SLC6A20: variants seen among roughly 807,000 people sequenced by gnomAD.
SLC6A20 encodes sodium- and chloride-dependent transporter XTRP3.
A neutral mutation model predicts 64.3 loss-of-function variants in SLC6A20; 73 were observed. The observed-to-expected ratio is 1.14, with a 90% CI of 0.94 to 1.38. The LOEUF is 1.38. SLC6A20 is among the 40% of genes most tolerant of loss of function. SLC6A20 has a pLI of 0.00. For missense variants in SLC6A20, 725 were observed against 772.8 expected, an observed-to-expected ratio of 0.94 and a Z score of 0.73; for synonymous variants, 347 against 329.6, an observed-to-expected ratio of 1.05 and a Z score of -0.57.
chr3:45,789,383 A>C (rs1700213072), intron 1 of SLC6A20, among the ~76,000 whole-genome samples: 1 of 152,218 alleles, frequency 6.6e-6, no homozygotes, highest in Non-Finnish European at 1.5e-5. Flanking sequence ...AATAACAGCA[A>C]ACATAACCTG....
At chr3:45,779,786 C>T (rs913853628) in intron 3 of SLC6A20, among the ~76,000 whole-genome samples, 18 of 152,230 alleles carry the variant, frequency 1.2e-4, no homozygotes, top group African/African-American at 4.8e-5. Flanking sequence ...ACACTCTCAC[C>T]GGTGGACTCT....
rs563013302 is a variant in SLC6A20 at position 45,764,568 on chromosome 3, G to T, written c.1303+969C>A. 8.5e-5 allele frequency among the ~76,000 whole-genome samples: 13 copies of T among 152,184 alleles called. No homozygotes were observed. In the South Asian group the frequency reaches 2.7e-3, roughly 32 times the overall value. On this transcript the variant is annotated intron_variant, in intron 8 of 10. Transcript: ENST00000358525. ...AATACAAAAATTAGCCAGGCATCATGGTGTGCACCTATAATCCCAGCTACT... is the reference window on the plus strand; with the variant it reads ...AATACAAAAATTAGCCAGGCATCATTGTGTGCACCTATAATCCCAGCTACT...
intron 7 of SLC6A20, among the ~76,000 whole-genome samples, chr3:45,767,298 G>A (rs1419134370): frequency 1.3e-5 from 2 of 152,082 alleles, no homozygotes; most frequent in South Asian, 2.1e-4. Context: ...CGTATGAAAT[G>A]TTTAAAGAAA....
chr3:45,772,382 C>T, intron 5 of SLC6A20, 123 bp downstream of exon 5: 1 of 809,134 alleles, frequency 1.2e-6, no homozygotes, highest in Non-Finnish European at 1.9e-6. Context: ...CCCTGGTGGG[C>T]TCACATCAGC....
intron 5 of SLC6A20, chr3:45,771,844 G>C (rs1309279546): frequency 4.1e-6 from 1 of 243,134 alleles, no homozygotes; most frequent in Non-Finnish European, 8.0e-6. Flanking sequence ...CACAAATGGG[G>C]CCCTGATTCA....
At chr3:45,773,265 A>C (rs1397002179) in intron 4 of SLC6A20, among the ~76,000 whole-genome samples, 1 of 152,210 alleles carries the variant, frequency 6.6e-6, no homozygotes, top group Non-Finnish European at 1.5e-5. Context: ...CATAATAAAC[A>C]CAATAGGAAA....
Position 45,755,741 on chromosome 3 carries a change from T to TA in SLC6A20, c.*3236dup, listed in dbSNP as rs1699528821. On this transcript the variant is annotated 3_prime_UTR_variant, in exon 11 of 11. Coordinates refer to ENST00000358525, the MANE Select transcript of SLC6A20 (RefSeq NM_020208.4). ...GAACATTTTTTGAGACAGGATTGAT[T>TA]ACTGGCTCAAGAGGATTCTTGAGAA... The TA allele has an allele frequency of 6.6e-6, 1 of 152,640 alleles. No individual in the cohort carries two copies. Among genetic ancestry groups the TA allele is most frequent in the Non-Finnish European group, 1.5e-5 (1 of 68,042 alleles). The allele number at this position is 152,640 out of a possible 1,614,324, so 9.5% of individuals were successfully genotyped here.
intron 1 of SLC6A20, among the ~76,000 whole-genome samples, chr3:45,795,330 AAT>A (rs755403771): frequency 8.3e-4 from 45 of 54,122 alleles, no homozygotes; most frequent in Non-Finnish European, 1.4e-3. Flanking sequence ...GAGAAAATAC[AAT>A]TTTTTTTTTG....
In SLC6A20 at chr3:45,758,804, G is replaced by A; in HGVS notation, c.*174C>T. ...ACAGGGAGGAACAGCCACCACGGGAGGGTGTGCGTTCTCCCAAGGGAGTTT... is the reference window on the plus strand; with the variant it reads ...ACAGGGAGGAACAGCCACCACGGGAAGGTGTGCGTTCTCCCAAGGGAGTTT... On this transcript the variant is annotated 3_prime_UTR_variant, in exon 11 of 11. Transcript: ENST00000358525. 1 of 1,353,808 alleles carries A rather than the reference G, an allele frequency of 7.4e-7. No homozygotes were observed. The allele number at this position is 1,353,808 out of a possible 1,614,324, so 83.9% of individuals were successfully genotyped here.
chr3:45,759,002 C>T lies in SLC6A20; in HGVS notation c.1755G>A (p.Arg585=). Residue 585 remains arginine, a synonymous_variant, in exon 11 of 11, where the codon AGG becomes AGA. Transcript: ENST00000358525. Reference sequence around the variant, plus strand: ...CTCAGGCCACGGGGTCTGCGTCTCCCCTCTTGAGGCGACGCTGAACAAAAG... The same window carrying T: ...CTCAGGCCACGGGGTCTGCGTCTCCTCTCTTGAGGCGACGCTGAACAAAAG... The part of the protein sequence containing the change: ...LGTFVQRRLK[R]GDADPVA 1.9e-6 allele frequency: 3 copies of T among 1,611,210 alleles called. No homozygotes were observed. Among genetic ancestry groups the T allele is most frequent in the Non-Finnish European group, 2.5e-6 (3 of 1,178,682 alleles).
In SLC6A20 at chr3:45,780,053, CGTT is replaced by C; in HGVS notation, c.307_309del (p.Asn103del). 6.2e-7 allele frequency: 1 copy of C among 1,605,110 alleles called. No individual in the cohort carries two copies. Among genetic ancestry groups the C allele is most frequent in the East Asian group, 2.2e-5 (1 of 44,578 alleles). On this transcript the variant is annotated inframe_deletion, in exon 3 of 11. Transcript: ENST00000358525. The stretch of plus-strand genomic sequence containing the variant: ...TACCAGAAGGCCCAGGCGTTGATGA[CGTT>C]GTAGTACATGGAGAGGAAGAAAGAG...
rs1487362689 is a variant in SLC6A20, at chr3:45,775,935, A to T, written c.408T>A (p.Asp136Glu). 6 of 1,614,096 alleles carry T rather than the reference A, an allele frequency of 3.7e-6. No individual in the cohort carries two copies. The highest frequency in any genetic ancestry group is 5.1e-6 in the Non-Finnish European group (6 of 1,180,052). ...CPLNGNHTGY[D>E]EECEKASSTQ... ...TGGAGGACGCCTTCTCACACTCCTC[A>T]TCGTAGCCCGTGTGGTTACCATTCA... The change falls in exon 4 of 11, where the codon GAT (aspartate) becomes GAA (glutamate). Residue 136 changes from aspartate to glutamate, a missense_variant. Asp to Glu is a conservative substitution (Grantham distance 45). Transcript: ENST00000358525.
At chr3:45,772,756 TG>T in intron 4 of SLC6A20, 141 bp from the exon 5 acceptor site, 3 of 701,508 alleles carry the variant, frequency 4.3e-6, no homozygotes, top group Non-Finnish European at 7.2e-6. Context: ...TGGAGATTCT[TG>T]GTCACACACA....
In SLC6A20 at chr3:45,776,800, G is replaced by A. The variant is rs370089100; in HGVS notation, c.355-812C>T. ...ACTTAGGACTTGCTACAGCAAGGGC[G>A]ATAGCAGCATCGCTTGCATTTGGCG... On this transcript the variant is annotated intron_variant, in intron 3 of 10. Coordinates refer to ENST00000358525, the MANE Select transcript of SLC6A20 (RefSeq NM_020208.4). Among the ~76,000 whole-genome samples the A allele has an allele frequency of 5.3e-5, 8 of 152,370 alleles. No homozygotes were observed. In the East Asian group the frequency reaches 9.6e-4, roughly 18 times the overall value.
At chr3:45,767,465 T>C (rs1205523979) in intron 7 of SLC6A20, among the ~76,000 whole-genome samples, 1 of 151,610 alleles carries the variant, frequency 6.6e-6, no homozygotes, top group Non-Finnish European at 1.5e-5. Flanking sequence ...GAAAAGAGAG[T>C]TAGTGAACTG....
chr3:45,772,221 G>T, intron 5 of SLC6A20: 1 of 366,576 alleles, frequency 2.7e-6, no homozygotes, highest in Non-Finnish European at 5.0e-6. Context: ...CTTGAGGTGA[G>T]GCAGTGGCAG....
intron 4 of SLC6A20, among the ~76,000 whole-genome samples, chr3:45,774,329 T>C (rs558697385): frequency 6.6e-6 from 1 of 152,378 alleles, no homozygotes; most frequent in Admixed American, 6.5e-5. Context: ...TGGTCTCTAA[T>C]CTCTACCTCT....
At position 45,758,866 on chromosome 3, in the gene SLC6A20, CAGGA is replaced by C. The variant is rs1699596045; in HGVS notation, c.*108_*111del. Reference sequence around the variant, plus strand: ...ACCTTCCTCATCTTCTTTAGACACTCAGGAAGTTGATGGGCTGAGCACTCCTGGC... The same window carrying C: ...ACCTTCCTCATCTTCTTTAGACACTCAGTTGATGGGCTGAGCACTCCTGGC... On this transcript the variant is annotated 3_prime_UTR_variant, in exon 11 of 11. Transcript: ENST00000358525. 7.1e-7 allele frequency: 1 copy of C among 1,414,118 alleles called. No individual in the cohort carries two copies. Among genetic ancestry groups the C allele is most frequent in the Non-Finnish European group, 9.3e-7 (1 of 1,081,066 alleles). The allele number at this position is 1,414,118 out of a possible 1,614,324, so 87.6% of individuals were successfully genotyped here.
rs550363441 is a variant in SLC6A20 at position 45,765,991 on chromosome 3, C to G, written c.1099-250G>C. ...GCCTGCAACACTGAGTTCCCCTCTC[C>G]TGCCCCAACTTACGTACATTCTGGA... is the stretch of plus-strand genomic sequence containing the variant. On this transcript the variant is annotated intron_variant, in intron 7 of 10. Transcript: ENST00000358525. The surrounding 1 kb of genome is among the most constrained non-coding windows in gnomAD (Gnocchi z 4.2). Among the ~76,000 whole-genome samples the G allele has an allele frequency of 4.6e-5, 7 of 152,340 alleles. No homozygotes were observed. In the South Asian group the frequency reaches 1.4e-3, roughly 32 times the overall value.
Sources: gnomAD v4.1 joint callset for allele counts (sites outside exome capture counted in the v4.1 genomes callset) on GRCh38, gnomAD v4.1.1 for gene constraint, Gnocchi (gnomAD v3.1) non-coding constraint, MANE v1.5 for transcripts, NCBI Gene and HGNC (gene_info 2026-07-23, HGNC 2026-07-21) for gene names.